Variants in IFI16 observed in about 807,000 individuals in gnomAD.
IFI16 encodes gamma-interferon-inducible protein 16.
IFI16 carries 49 observed loss-of-function variants against 68.4 expected under a neutral mutation model. The observed-to-expected ratio is 0.72, with a 90% CI of 0.57 to 0.91. The LOEUF (loss-of-function observed/expected upper bound fraction) is 0.91, where lower values mean the gene tolerates loss of function less well. Among genes scored for constraint, IFI16 ranks in the 40% least tolerant of loss-of-function variants. IFI16 has a pLI of 0.00. For missense variants in IFI16, 878 were observed against 942.9 expected (o/e 0.93, Z 0.90); for synonymous variants, 307 against 315.0 (o/e 0.97, Z 0.27).
chr1:159,036,916 T>G (rs1441253007), intron 7 of IFI16, among the ~76,000 whole-genome samples: 5 of 152,204 alleles, frequency 3.3e-5, no homozygotes, highest in African/African-American at 4.8e-5. Flanking sequence ...GTTCTCAATT[T>G]TTCATGTTGT....
intron 6 of IFI16, among the ~76,000 whole-genome samples, chr1:159,026,981 A>G (rs12087333): frequency 0.33 from 49,760 of 152,090 alleles, 11,387 homozygotes; most frequent in African/African-American, 0.65. Flanking sequence ...AGCAAACAGC[A>G]ACAGTTTGAC....
At chr1:159,053,811 G>A (rs747864675) in intron 11 of IFI16, 87 bp downstream of exon 11, 26 of 1,001,670 alleles carry the variant, frequency 2.6e-5, no homozygotes, top group Non-Finnish European at 3.9e-5. Context: ...CTATTACAGA[G>A]AGTCTAGCAA....
upstream of IFI16, among the ~76,000 whole-genome samples, chr1:159,003,384 C>A (rs2101772387): frequency 6.6e-6 from 1 of 152,296 alleles, no homozygotes; most frequent in Admixed American, 6.5e-5. Flanking sequence ...TCTGCAATTA[C>A]AAAATCACAT....
intron 7 of IFI16, among the ~76,000 whole-genome samples, chr1:159,040,967 T>C (rs1432536599): frequency 6.6e-6 from 1 of 152,216 alleles, no homozygotes; most frequent in Non-Finnish European, 1.5e-5. Context: ...GAATAGACAG[T>C]GTCAGGCTTG....
chr1:159,050,187 A>G (rs575627776), intron 9 of IFI16, among the ~76,000 whole-genome samples: 1 of 152,348 alleles, frequency 6.6e-6, no homozygotes, highest in South Asian at 2.1e-4. Flanking sequence ...CTGCCATGCA[A>G]TCATACAATA....
chr1:159,038,637 G>T (rs1392706627), intron 7 of IFI16, among the ~76,000 whole-genome samples: 2 of 152,128 alleles, frequency 1.3e-5, no homozygotes, highest in Non-Finnish European at 2.9e-5. Context: ...GAGTTGCTGG[G>T]GTTACATGCA....
chr1:159,022,609 G>C lies in IFI16; in HGVS notation c.1161+2080G>C, dbSNP rs138963332. 8.0e-3 allele frequency among the ~76,000 whole-genome samples: 1,222 copies of C among 152,302 alleles called. 17 individuals carry two copies. Among genetic ancestry groups the C allele is most frequent in the Admixed American group, 0.041 (621 of 15,306 alleles). On this transcript the variant is annotated intron_variant, in intron 6 of 11. Coordinates refer to ENST00000295809, the MANE Select transcript of IFI16 (RefSeq NM_001376587.1). The stretch of plus-strand genomic sequence containing the variant: ...AGGAGGAAGTAACTTGTGGAATATT[G>C]AGAAAGGTAAAAACACCTTTAAATA...
At chr1:159,013,800 A>C (rs1439433346) in intron 1 of IFI16, among the ~76,000 whole-genome samples, 1 of 152,182 alleles carries the variant, frequency 6.6e-6, no homozygotes, top group African/African-American at 2.4e-5. Context: ...TGAAGCATAG[A>C]TACAAGGAGT....
At chr1:159,033,714 G>A (rs1309900684) in intron 7 of IFI16, among the ~76,000 whole-genome samples, 2 of 152,190 alleles carry the variant, frequency 1.3e-5, no homozygotes, top group Non-Finnish European at 2.9e-5. Context: ...TAGATTAGGA[G>A]TTTATATATG....
chr1:159,041,498 T>C (rs1654637622), intron 7 of IFI16, among the ~76,000 whole-genome samples: 2 of 152,184 alleles, frequency 1.3e-5, no homozygotes, highest in African/African-American at 4.8e-5. Flanking sequence ...AGATAACTAT[T>C]ACCTGTATGT....
chr1:159,038,567 A>G (rs924313208), intron 7 of IFI16, among the ~76,000 whole-genome samples: 3 of 152,150 alleles, frequency 2.0e-5, no homozygotes, highest in South Asian at 2.1e-4. Flanking sequence ...AGGTCTCGCT[A>G]TATTGCCCAG....
At chr1:159,053,029 C>G (rs1184601347) in intron 10 of IFI16, 1 of 152,682 alleles carries the variant, frequency 6.5e-6, no homozygotes, top group African/African-American at 2.4e-5. Context: ...ATAGGATGAT[C>G]TAGATTTGAG....
chr1:159,012,725 C>G (rs935737553), intron 1 of IFI16, among the ~76,000 whole-genome samples: 1 of 151,962 alleles, frequency 6.6e-6, no homozygotes, highest in South Asian at 2.1e-4. Context: ...GGTAATTAGG[C>G]GGGAAGGAAG....
intron 7 of IFI16, 75 bp downstream of exon 7, chr1:159,032,766 T>C: frequency 8.3e-7 from 1 of 1,198,668 alleles, no homozygotes; most frequent in Non-Finnish European, 1.1e-6. Context: ...TTGAAAGAGC[T>C]ACTGCTGTAA....
intron 6 of IFI16, among the ~76,000 whole-genome samples, chr1:159,022,253 C>T (rs893451967): frequency 2.4e-4 from 36 of 152,186 alleles, no homozygotes; most frequent in Middle Eastern, 6.8e-3. Context: ...CGTGAGCCAC[C>T]GTGCCCGGCC....
chr1:159,002,229 C>A (rs897951339), upstream of IFI16, among the ~76,000 whole-genome samples: 2 of 152,024 alleles, frequency 1.3e-5, no homozygotes, highest in African/African-American at 4.8e-5. Flanking sequence ...GAATTCAAGT[C>A]TTCTGAATCC....
chr1:159,016,060 C>G lies in IFI16; in HGVS notation c.381+73C>G, dbSNP rs1221436414. On this transcript the variant is annotated intron_variant, in intron 3 of 11. Coordinates refer to ENST00000295809, the MANE Select transcript of IFI16 (RefSeq NM_001376587.1). ...CTGCTACGGCTCTTCCACTCAATCTCTCCAGCAGGCAGTTATTTCTTCATG... is the reference window on the plus strand; with the variant it reads ...CTGCTACGGCTCTTCCACTCAATCTGTCCAGCAGGCAGTTATTTCTTCATG... 2.5e-5 allele frequency: 22 copies of G among 886,322 alleles called. No homozygotes were observed. In the South Asian group the frequency reaches 3.1e-4, roughly 12 times the overall value. 54.9% of individuals were successfully genotyped at this position (886,322 alleles called of 1,614,324 possible).
At position 159,046,623 on chromosome 1, in the gene IFI16, C is replaced by T. The variant is rs551877159; in HGVS notation, c.1497+1159C>T. ...CTTTCTCTTTTGCTCTCTCACCATA[C>T]ATCAGAGGTTAGTTTCACTATCCAT... On this transcript the variant is annotated intron_variant, in intron 8 of 11. Transcript: ENST00000295809. Among the ~76,000 whole-genome samples the T allele has an allele frequency of 2.6e-5, 4 of 151,108 alleles. 1 individual carries two copies. The highest frequency in any genetic ancestry group is 6.6e-5 in the Admixed American group (1 of 15,090).
At chr1:159,053,039 G>A (rs1255871259) in intron 10 of IFI16, 1 of 152,836 alleles carries the variant, frequency 6.5e-6, no homozygotes, top group East Asian at 1.9e-4. Flanking sequence ...CTAGATTTGA[G>A]ATCTGGGCAG....
Sources: allele counts gnomAD v4.1 joint callset (sites outside exome capture counted in the v4.1 genomes callset), GRCh38; gene constraint gnomAD v4.1.1; transcripts MANE v1.5; gene names NCBI Gene and HGNC (gene_info 2026-07-23, HGNC 2026-07-21).